Variants in APAF1 observed in about 807,000 individuals in gnomAD.
APAF1 encodes the protein apoptotic peptidase activating factor 1.
In APAF1, 91 loss-of-function variants were observed where a neutral mutation model predicts 152.4. That is an observed-to-expected ratio of 0.60 (90% CI 0.50 to 0.71). The LOEUF (loss-of-function observed/expected upper bound fraction) is 0.71, where lower values mean the gene tolerates loss of function less well. Ranked by LOEUF, APAF1 falls within the 30% of genes least tolerant of loss-of-function variation. The pLI, the probability that APAF1 is intolerant of heterozygous loss-of-function variation, is 0.00. For missense variants in APAF1, 1,283 were observed against 1,472.0 expected, an observed-to-expected ratio of 0.87 and a Z score of 2.10; for synonymous variants, 484 against 494.1, an observed-to-expected ratio of 0.98 and a Z score of 0.27.
At chr12:98,711,366 A>T (rs1198273078) in intron 20 of APAF1, among the ~76,000 whole-genome samples, 1 of 152,206 alleles carries the variant, frequency 6.6e-6, no homozygotes, top group Non-Finnish European at 1.5e-5. Context: ...TAAACTTAAT[A>T]GTTTCATTTA....
In APAF1 at chr12:98,725,440, C is replaced by T. The variant is rs2097749043; in HGVS notation, c.3356C>T (p.Pro1119Leu). 1 of 1,614,042 alleles carries T rather than the reference C, an allele frequency of 6.2e-7. No homozygotes were observed. The highest frequency in any genetic ancestry group is 1.3e-5 in the African/African-American group (1 of 74,994). Residue 1119 changes from proline to leucine, a missense_variant, in exon 25 of 27, where the codon CCA (proline) becomes CTA (leucine). Physicochemically the swap from Pro to Leu is moderately conservative, Grantham distance 98. Coordinates refer to ENST00000551964, the MANE Select transcript of APAF1 (RefSeq NM_181861.2). Reference sequence around the variant, plus strand: ...ATCTGGAGTTTTGATCTCCTTTTGCCACTTCATGAATTGAGGGGCCACAAC... The same window carrying T: ...ATCTGGAGTTTTGATCTCCTTTTGCTACTTCATGAATTGAGGGGCCACAAC... ...AKIWSFDLLL[P>L]LHELRGHNGC...
At chr12:98,722,821 AG>A (rs1158879675) in intron 22 of APAF1, among the ~76,000 whole-genome samples, 2 of 152,128 alleles carry the variant, frequency 1.3e-5, no homozygotes, top group Admixed American at 1.3e-4. Context: ...CCCAGCTTGT[AG>A]GTTCAGAAAT....
Position 98,694,050 on chromosome 12 carries a change from G to A in APAF1, c.2305-5358G>A, listed in dbSNP as rs187000881. ...GGAGAGGACTCTCTATTCAATAAAT[G>A]GTGCTGGGATAACTGGCTAGCCATA... On this transcript the variant is annotated intron_variant, in intron 16 of 26. Coordinates refer to ENST00000551964, the MANE Select transcript of APAF1 (RefSeq NM_181861.2). Among the ~76,000 whole-genome samples, 112 of 152,160 alleles carry A rather than the reference G, an allele frequency of 7.4e-4. 1 individual carries two copies. Among genetic ancestry groups the A allele is most frequent in the African/African-American group, 2.5e-3 (105 of 41,538 alleles).
chr12:98,648,247 G>A (rs113968613), intron 1 of APAF1, 72 bp from the exon 2 acceptor site: 10 of 1,362,868 alleles, frequency 7.3e-6, no homozygotes, highest in African/African-American at 5.8e-5. Flanking sequence ...TACGTTTCTT[G>A]TTTATTAGTG....
intron 4 of APAF1, among the ~76,000 whole-genome samples, chr12:98,651,566 C>G (rs1183445595): frequency 6.6e-6 from 1 of 152,236 alleles, no homozygotes; most frequent in Non-Finnish European, 1.5e-5. Flanking sequence ...GTATCCAACT[C>G]TCTGCTGCTG....
chr12:98,686,644 A>G, intron 15 of APAF1, 104 bp from the exon 16 acceptor site: 2 of 1,145,916 alleles, frequency 1.7e-6, no homozygotes, highest in Non-Finnish European at 2.5e-6. Flanking sequence ...ATCATTCTGT[A>G]ATCAAAAAGC....
At chr12:98,674,386 C>G (rs773274132) in intron 12 of APAF1, among the ~76,000 whole-genome samples, 1 of 152,110 alleles carries the variant, frequency 6.6e-6, no homozygotes, top group Non-Finnish European at 1.5e-5. Context: ...TTCCCTCCTA[C>G]CTTCCCACTT....
At chr12:98,698,438 A>G (rs1043324080) in intron 16 of APAF1, among the ~76,000 whole-genome samples, 43 of 151,842 alleles carry the variant, frequency 2.8e-4, no homozygotes, top group African/African-American at 9.4e-4. Context: ...TTATTTATTT[A>G]TTTTTCTCTT....
Position 98,732,499 on chromosome 12 carries a change from CT to C in APAF1, c.3681del (p.Asp1228ThrfsTer6), listed in dbSNP as rs2097763897. ...GTNLKKIHVS[P>X]DFKTYVTVDN... ...AATCTTAAGAAAATACACGTGTCCCCTGACTTCAAAACATATGTGACTGTGG... is the reference window on the plus strand; with the variant it reads ...AATCTTAAGAAAATACACGTGTCCCCGACTTCAAAACATATGTGACTGTGG... On this transcript the variant is annotated frameshift_variant, in exon 27 of 27. Transcript: ENST00000551964. LOFTEE classifies it high-confidence loss of function. The C allele has an allele frequency of 6.3e-7, 1 of 1,594,748 alleles. No individual in the cohort carries two copies. Among genetic ancestry groups the C allele is most frequent in the African/African-American group, 1.3e-5 (1 of 74,480 alleles).
chr12:98,659,301 C>G lies in APAF1; in HGVS notation c.668C>G (p.Ala223Gly), dbSNP rs778498609. 6.2e-7 allele frequency: 1 copy of G among 1,614,160 alleles called. No individual in the cohort carries two copies. The highest frequency in any genetic ancestry group is 8.5e-7 in the Non-Finnish European group (1 of 1,180,018). The change falls in exon 5 of 27, where the codon GCT becomes GGT. Residue 223 changes from alanine to glycine, a missense_variant. Transcript: ENST00000551964. ...AGGCTTCCACTTAATATTGAAGAGGCTAAAGACCGTCTCCGCATTCTGATG... is the reference window on the plus strand; with the variant it reads ...AGGCTTCCACTTAATATTGAAGAGGGTAAAGACCGTCTCCGCATTCTGATG... ...SQRLPLNIEE[A>G]KDRLRILMLR...
intron 20 of APAF1, 44 bp from the exon 21 acceptor site, chr12:98,712,275 T>C (rs1411444123): frequency 2.5e-5 from 27 of 1,087,208 alleles, no homozygotes; most frequent in Non-Finnish European, 3.6e-5. Context: ...GAACAAAAAC[T>C]GCTCTTACAG....
intron 3 of APAF1, chr12:98,649,250 G>A (rs2097646007): frequency 3.1e-6 from 3 of 979,656 alleles, no homozygotes; most frequent in South Asian, 4.7e-5. Flanking sequence ...GGTGAGTAAA[G>A]CAGATATAGA....
At chr12:98,727,151 A>C (rs752149600) in intron 25 of APAF1, 22 bp from the exon 26 acceptor site, 7 of 1,612,998 alleles carry the variant, frequency 4.3e-6, no homozygotes, top group Non-Finnish European at 5.1e-6. Context: ...CTGTTAATGA[A>C]TTGTGTATCA....
chr12:98,689,827 C>G (rs574413991), intron 16 of APAF1, among the ~76,000 whole-genome samples: 2 of 152,278 alleles, frequency 1.3e-5, no homozygotes, highest in South Asian at 2.1e-4. Flanking sequence ...ATATATCTAT[C>G]TATATCTATA....
chr12:98,689,495 T>TGTGAGA (rs142801463), intron 16 of APAF1, among the ~76,000 whole-genome samples: 44 of 151,106 alleles, frequency 2.9e-4, no homozygotes, highest in African/African-American at 1.0e-3. Context: ...TGTGTGTGTG[T>TGTGAGA]GAGAGAGAGA....
At chr12:98,665,449 C>A in intron 7 of APAF1, 104 bp from the exon 8 acceptor site, 1 of 824,670 alleles carries the variant, frequency 1.2e-6, no homozygotes, top group Non-Finnish European at 2.1e-6. Flanking sequence ...CTTTTGATAA[C>A]ATGCAGCAGA....
In APAF1 at chr12:98,665,786, A is replaced by T; in HGVS notation, c.1189A>T (p.Thr397Ser). 1 of 1,606,696 alleles carries T rather than the reference A, an allele frequency of 6.2e-7. No individual in the cohort carries two copies. Among genetic ancestry groups the T allele is most frequent in the Non-Finnish European group, 8.5e-7 (1 of 1,173,268 alleles). ...CCTTCAGAAGGACGTTAAGGTGCCT[A>T]CAAAGGTAATGGGATCAATGATCCT... ...SILQKDVKVP[T>S]KVLCILWDME... The change falls in exon 8 of 27, where the codon ACA (threonine) becomes TCA (serine). Residue 397 changes from threonine (T) to serine (S), a missense_variant. Thr to Ser is a moderately conservative substitution (Grantham distance 58). Coordinates refer to ENST00000551964, the MANE Select transcript of APAF1 (RefSeq NM_181861.2).
chr12:98,647,442 G>T (rs931256897), intron 1 of APAF1, among the ~76,000 whole-genome samples: 1 of 151,420 alleles, frequency 6.6e-6, no homozygotes, highest in African/African-American at 2.4e-5. Flanking sequence ...GAGTGGTCTC[G>T]GCTCACTGCA....
At chr12:98,648,936 A>C in intron 3 of APAF1, 121 bp downstream of exon 3, 1 of 981,940 alleles carries the variant, frequency 1.0e-6, no homozygotes, top group East Asian at 2.4e-5. Flanking sequence ...TGTTAAAAAA[A>C]TTGTAGTGAT....
Sources: gnomAD v4.1 joint callset for allele counts (sites outside exome capture counted in the v4.1 genomes callset) on GRCh38, gnomAD v4.1.1 for gene constraint, MANE v1.5 for transcripts, NCBI Gene and HGNC (gene_info 2026-07-23, HGNC 2026-07-21) for gene names.